TTC38: variants seen among roughly 807,000 people sequenced by gnomAD.
The protein encoded by TTC38 is tetratricopeptide repeat domain 38.
In TTC38, 64 loss-of-function variants were observed where a neutral mutation model predicts 64.2. The observed-to-expected ratio is 1.00, with a 90% CI of 0.81 to 1.23. The LOEUF (loss-of-function observed/expected upper bound fraction) is 1.23, where lower values mean the gene tolerates loss of function less well. Ranked by LOEUF, TTC38 falls within the 50% of genes most tolerant of loss-of-function variation. The pLI, the probability that TTC38 is intolerant of heterozygous loss-of-function variation, is 0.00. For missense variants in TTC38, 573 were observed against 615.5 expected (o/e 0.93, Z 0.73); for synonymous variants, 254 against 249.3 (o/e 1.02, Z -0.18).
rs1448632183 is a variant in TTC38 at position 46,273,421 on chromosome 22, T to G, written c.194-477T>G. ...CCTGCACTCCTGCCAGCAAGGCTGCTGCGAGGGCCACAAGGCACTCACCCC... is the reference window on the plus strand; with the variant it reads ...CCTGCACTCCTGCCAGCAAGGCTGCGGCGAGGGCCACAAGGCACTCACCCC... On this transcript the variant is annotated intron_variant, in intron 3 of 13. Coordinates refer to ENST00000381031, the MANE Select transcript of TTC38 (RefSeq NM_017931.4). This position sits in a 1 kb window ranked among gnomAD's most constrained non-coding sequence, Gnocchi z 5.1. Among the ~76,000 whole-genome samples, 1 of 152,228 alleles carries G rather than the reference T, an allele frequency of 6.6e-6. No homozygotes were observed. Among genetic ancestry groups the G allele is most frequent in the African/African-American group, 2.4e-5 (1 of 41,468 alleles).
Position 46,287,135 on chromosome 22 carries a change from C to T in TTC38, c.897C>T (p.Leu299=). ...ACGTGGTGGACAGCTGCTCCATGCT[C>T]TACCGCCTGCAGATGGAAGGTAGCC... The part of the protein sequence containing the change: ...MLDVVDSCSM[L]YRLQMEGVSV... Residue 299 remains leucine, a synonymous_variant, in exon 10 of 14, where the codon CTC becomes CTT. Coordinates refer to ENST00000381031, the MANE Select transcript of TTC38 (RefSeq NM_017931.4). The T allele has an allele frequency of 6.2e-7, 1 of 1,603,704 alleles. No homozygotes were observed. Among genetic ancestry groups the T allele is most frequent in the South Asian group, 1.1e-5 (1 of 90,328 alleles).
At chr22:46,278,769 T>C in intron 6 of TTC38, 108 bp downstream of exon 6, 1 of 886,736 alleles carries the variant, frequency 1.1e-6, no homozygotes, top group Non-Finnish European at 1.9e-6. Flanking sequence ...ACCCCATCCC[T>C]GGTCTCACTT....
At chr22:46,269,043 G>C in intron 2 of TTC38, 5 of 382,142 alleles carry the variant, frequency 1.3e-5, no homozygotes, top group South Asian at 9.8e-5. Flanking sequence ...CAGCACATCT[G>C]TGCACTTTGT....
chr22:46,281,618 C>A lies in TTC38; in HGVS notation c.635C>A (p.Thr212Lys), dbSNP rs975301295. The change falls in exon 7 of 14, where the codon ACA becomes AAA. Residue 212 changes from threonine (T) to lysine (K), a missense_variant. Thr to Lys is a moderately conservative substitution (Grantham distance 78). Around this residue, in one of 3 missense-constraint regions of TTC38, gnomAD observed 371 missense variants for 381.8 expected, o/e 0.97. Transcript: ENST00000381031. This position sits in a 1 kb window ranked among gnomAD's most constrained non-coding sequence, Gnocchi z 5.2. Reference protein sequence around the residue: ...LAKEALSINPTDAWSVHTVAH... With the variant: ...LAKEALSINPKDAWSVHTVAH... Reference sequence around the variant, plus strand: ...GCGTAGGCTTTATCTATTAACCCGACAGACGCATGGTCGGTGCACACCGTC... The same window carrying A: ...GCGTAGGCTTTATCTATTAACCCGAAAGACGCATGGTCGGTGCACACCGTC... 6 of 1,614,074 alleles carry A rather than the reference C, an allele frequency of 3.7e-6. No homozygotes were observed. The highest frequency in any genetic ancestry group is 5.1e-6 in the Non-Finnish European group (6 of 1,180,038).
chr22:46,282,487 A>T lies in TTC38; in HGVS notation c.735+769A>T, dbSNP rs1489212199. The stretch of plus-strand genomic sequence containing the variant: ...AGGGAGATGGGGCCTCCCCTGGGAC[A>T]GGGACACAGCGTCGCTCACTCAGCG... On this transcript the variant is annotated intron_variant, in intron 7 of 13. Transcript: ENST00000381031. This position sits in a 1 kb window ranked among gnomAD's most constrained non-coding sequence, Gnocchi z 4.4. Among the ~76,000 whole-genome samples the T allele has an allele frequency of 2.6e-5, 4 of 152,210 alleles. No homozygotes were observed. The highest frequency in any genetic ancestry group is 9.7e-5 in the African/African-American group (4 of 41,446).
chr22:46,284,111 G>C (rs894612589), intron 8 of TTC38, 79 bp downstream of exon 8: 2 of 1,243,004 alleles, frequency 1.6e-6, no homozygotes, highest in East Asian at 4.7e-5. Flanking sequence ...CTTTTGCTAT[G>C]TATTCACATC....
In TTC38 at chr22:46,268,575, A is replaced by G; in HGVS notation, c.95A>G (p.Asp32Gly). The part of the protein sequence containing the change: ...TTSNEACKLF[D>G]ATLTQYVKWT... ...AGCAACGAAGCCTGCAAGCTGTTCG[A>G]TGCCACGCTGACCCAGGTATGCCTG... The change falls in exon 2 of 14, where the codon GAT becomes GGT. Residue 32 changes from aspartate to glycine, a missense_variant. Physicochemically the swap from Asp to Gly is moderately conservative, Grantham distance 94 (BLOSUM62 -1). Around this residue, in one of 3 missense-constraint regions of TTC38, gnomAD observed 134 missense variants for 126.5 expected, o/e 1.06. Transcript: ENST00000381031. The G allele has an allele frequency of 6.2e-7, 1 of 1,613,974 alleles. No individual in the cohort carries two copies.
chr22:46,274,152 G>A lies in TTC38; in HGVS notation c.365+83G>A. The A allele has an allele frequency of 1.7e-6, 2 of 1,177,650 alleles. No homozygotes were observed. Among genetic ancestry groups the A allele is most frequent in the Non-Finnish European group, 2.4e-6 (2 of 826,892 alleles). 73.0% of individuals were successfully genotyped at this position (1,177,650 alleles called of 1,614,324 possible). Reference sequence around the variant, plus strand: ...AGGGTATCCCTTTCCTGATGCCCTTGGGACGGGGGCGGGGTGGGAGAATGC... The same window carrying A: ...AGGGTATCCCTTTCCTGATGCCCTTAGGACGGGGGCGGGGTGGGAGAATGC... On this transcript the variant is annotated intron_variant, in intron 4 of 13. Coordinates refer to ENST00000381031, the MANE Select transcript of TTC38 (RefSeq NM_017931.4). This position sits in a 1 kb window ranked among gnomAD's most constrained non-coding sequence, Gnocchi z 4.8.
At chr22:46,288,145 A>G (rs774178345) in intron 10 of TTC38, among the ~76,000 whole-genome samples, 1 of 152,192 alleles carries the variant, frequency 6.6e-6, no homozygotes, top group Non-Finnish European at 1.5e-5. Flanking sequence ...CAAGAGGCCT[A>G]GGGTTTGTCA....
intron 6 of TTC38, among the ~76,000 whole-genome samples, chr22:46,280,516 G>A (rs1367722863): frequency 1.3e-5 from 2 of 152,254 alleles, no homozygotes; most frequent in African/African-American, 4.8e-5. Context: ...ATGCTTAGCA[G>A]GGTCCCGTCT....
chr22:46,278,391 A>C (rs1486617307), intron 5 of TTC38, among the ~76,000 whole-genome samples, 195 bp from the exon 6 acceptor site: 2 of 152,180 alleles, frequency 1.3e-5, no homozygotes, highest in African/African-American at 4.8e-5. Flanking sequence ...TAAGGACACC[A>C]GTCATTGCGT....
chr22:46,279,484 C>T (rs2077517643), intron 6 of TTC38, among the ~76,000 whole-genome samples: 1 of 152,194 alleles, frequency 6.6e-6, no homozygotes, highest in Non-Finnish European at 1.5e-5. Flanking sequence ...TCAGAGATGG[C>T]AGAGCCGGAT....
In TTC38 at chr22:46,270,853, T is replaced by G. The variant is rs2147783912; in HGVS notation, c.112-1482T>G. Among the ~76,000 whole-genome samples the G allele has an allele frequency of 7.3e-6, 1 of 137,916 alleles. No individual in the cohort carries two copies. The highest frequency in any genetic ancestry group is 2.1e-4 in the East Asian group (1 of 4,722). 90.5% of individuals were successfully genotyped at this position (137,916 alleles called of 152,430 possible). A position where few individuals can be genotyped will look rare whatever the true frequency, so the allele number is the denominator to read the frequency against. ...CATCTCAAAAAAGAAAAAAAAAAAATTAGCCGGGCGCAGTGGTGCACACCT... is the reference window on the plus strand; with the variant it reads ...CATCTCAAAAAAGAAAAAAAAAAAAGTAGCCGGGCGCAGTGGTGCACACCT... On this transcript the variant is annotated intron_variant, in intron 2 of 13. Coordinates refer to ENST00000381031, the MANE Select transcript of TTC38 (RefSeq NM_017931.4). This position sits in a 1 kb window ranked among gnomAD's most constrained non-coding sequence, Gnocchi z 4.7.
intron 2 of TTC38, 160 bp downstream of exon 2, chr22:46,268,751 T>C (rs1936822357): frequency 6.1e-6 from 4 of 650,588 alleles, no homozygotes; most frequent in African/African-American, 3.7e-5. Context: ...GTGGCGCTAT[T>C]TCGGCTCACT....
chr22:46,277,912 C>T (rs71313040), intron 5 of TTC38, among the ~76,000 whole-genome samples: 1,627 of 152,202 alleles, frequency 0.011, 20 homozygotes, highest in Middle Eastern at 0.024. Flanking sequence ...CAGACAGGAG[C>T]GGGAGGAGAC....
rs1204180571 is a variant in TTC38 at position 46,281,688 on chromosome 22, A to AT, written c.707dup (p.Met237HisfsTer12). ...AAGCAGAGATCAAGGATGGGTTGGA[A>AT]TTCATGCAGCACTCAGAGACCTTCT... On this transcript the variant is annotated frameshift_variant, in exon 7 of 14. Coordinates refer to ENST00000381031, the MANE Select transcript of TTC38 (RefSeq NM_017931.4). LOFTEE classifies it high-confidence loss of function. This position sits in a 1 kb window ranked among gnomAD's most constrained non-coding sequence, Gnocchi z 5.2. The AT allele has an allele frequency of 1.2e-6, 2 of 1,613,998 alleles. No homozygotes were observed. Among genetic ancestry groups the AT allele is most frequent in the African/African-American group, 2.7e-5 (2 of 74,936 alleles).
rs1188878010 is a variant in TTC38 at position 46,274,487 on chromosome 22, G to A, written c.365+418G>A. Among the ~76,000 whole-genome samples the A allele has an allele frequency of 6.6e-6, 1 of 152,250 alleles. No homozygotes were observed. Among genetic ancestry groups the A allele is most frequent in the East Asian group, 1.9e-4 (1 of 5,188 alleles). ...GCACTGACTTTCACATCATCCCCCC[G>A]CTGTTCCTATGCTGGTTCCCTCATT... On this transcript the variant is annotated intron_variant, in intron 4 of 13. Transcript: ENST00000381031. The surrounding 1 kb of genome is among the most constrained non-coding windows in gnomAD (Gnocchi z 4.8).
In TTC38 at chr22:46,293,009, T is replaced by C; in HGVS notation, c.*125T>C. 1.5e-6 allele frequency: 1 copy of C among 678,356 alleles called. No individual in the cohort carries two copies. The highest frequency in any genetic ancestry group is 2.7e-5 in the East Asian group (1 of 37,346). 42.0% of individuals were successfully genotyped at this position (678,356 alleles called of 1,614,324 possible). On this transcript the variant is annotated 3_prime_UTR_variant, in exon 14 of 14. Coordinates refer to ENST00000381031, the MANE Select transcript of TTC38 (RefSeq NM_017931.4). This position sits in a 1 kb window ranked among gnomAD's most constrained non-coding sequence, Gnocchi z 6.6. ...GTTTGTTAGGGCTGTTAGAGGGTGA[T>C]CTTCAGTTTTACAGGAAGTGGGTCA... is the stretch of plus-strand genomic sequence containing the variant.
At position 46,293,150 on chromosome 22, in the gene TTC38, T is replaced by G; in HGVS notation, c.*266T>G. 1 of 433,684 alleles carries G rather than the reference T, an allele frequency of 2.3e-6. No individual in the cohort carries two copies. The highest frequency in any genetic ancestry group is 4.3e-6 in the Non-Finnish European group (1 of 232,932). The allele number at this position is 433,684 out of a possible 1,614,324, so 26.9% of individuals were successfully genotyped here. ...CTGCTCTTTCCACCTGCCTTGCAAA[T>G]TCTGTTTCCCAGGGGAATGTGTCTA... On this transcript the variant is annotated 3_prime_UTR_variant, in exon 14 of 14. Coordinates refer to ENST00000381031, the MANE Select transcript of TTC38 (RefSeq NM_017931.4). The surrounding 1 kb of genome is among the most constrained non-coding windows in gnomAD (Gnocchi z 6.6).
Sources: gnomAD v4.1 joint callset for allele counts (sites outside exome capture counted in the v4.1 genomes callset) on GRCh38, gnomAD v4.1.1 for gene constraint, gnomAD v4.1.1 regional missense constraint, Gnocchi (gnomAD v3.1) non-coding constraint, MANE v1.5 for transcripts, NCBI Gene and HGNC (gene_info 2026-07-23, HGNC 2026-07-21) for gene names.